Variants in ZMAT4 observed in about 807,000 individuals in gnomAD.
ZMAT4 encodes zinc finger matrin-type protein 4.
A neutral mutation model predicts 28.7 loss-of-function variants in ZMAT4; 17 were observed. The observed-to-expected ratio is 0.59, with a 90% CI of 0.41 to 0.89. The LOEUF (loss-of-function observed/expected upper bound fraction) is 0.89, where lower values mean the gene tolerates loss of function less well. Ranked by LOEUF, ZMAT4 falls within the 40% of genes least tolerant of loss-of-function variation. ZMAT4 has a pLI of 0.00. For missense variants in ZMAT4, 240 were observed against 283.8 expected (o/e 0.85, Z 1.11); for synonymous variants, 117 against 109.2 (o/e 1.07, Z -0.44).
intron 2 of ZMAT4, among the ~76,000 whole-genome samples, chr8:40,768,650 C>T (rs1174955477): frequency 6.6e-6 from 1 of 152,166 alleles, no homozygotes; most frequent in African/African-American, 2.4e-5. Flanking sequence ...CAGAATGAGT[C>T]ACATTTTCTC....
chr8:40,675,027 T>C, intron 4 of ZMAT4, 96 bp from the exon 5 acceptor site: 1 of 909,558 alleles, frequency 1.1e-6, no homozygotes, highest in Non-Finnish European at 1.7e-6. Flanking sequence ...TCCTGTTCAC[T>C]CTAGAGCTTA....
intron 1 of ZMAT4, among the ~76,000 whole-genome samples, chr8:40,856,898 A>T (rs921749766): frequency 1.3e-5 from 2 of 152,130 alleles, no homozygotes; most frequent in African/African-American, 4.8e-5. Context: ...CTGGAAAGGG[A>T]TTGCAAATGG....
chr8:40,615,492 G>T (rs1174280462), intron 5 of ZMAT4, among the ~76,000 whole-genome samples: 2 of 152,178 alleles, frequency 1.3e-5, no homozygotes, highest in African/African-American at 4.8e-5. Context: ...TGTTAGGGAA[G>T]TTCTCCTGGA....
At chr8:40,664,483 C>T (rs1213705969) in intron 5 of ZMAT4, among the ~76,000 whole-genome samples, 3 of 152,156 alleles carry the variant, frequency 2.0e-5, no homozygotes, top group Admixed American at 6.5e-5. Flanking sequence ...CTTCCAATAC[C>T]CCATTATCAT....
intron 3 of ZMAT4, among the ~76,000 whole-genome samples, chr8:40,762,788 G>C (rs1345934759): frequency 6.6e-6 from 1 of 152,188 alleles, no homozygotes; most frequent in Non-Finnish European, 1.5e-5. Flanking sequence ...CCAGAGGAAG[G>C]CCCTGCCCAT....
chr8:40,818,425 A>G (rs780389863), intron 2 of ZMAT4, among the ~76,000 whole-genome samples: 1 of 152,242 alleles, frequency 6.6e-6, no homozygotes, highest in Non-Finnish European at 1.5e-5. Context: ...TGTATTTATC[A>G]TATCAGAAGT....
At chr8:40,768,961 A>G (rs1435382076) in intron 2 of ZMAT4, among the ~76,000 whole-genome samples, 1 of 152,192 alleles carries the variant, frequency 6.6e-6, no homozygotes, top group African/African-American at 2.4e-5. Flanking sequence ...TTTTCAGAGA[A>G]CACATAGAAA....
At chr8:40,708,687 C>A (rs1393958459) in intron 3 of ZMAT4, among the ~76,000 whole-genome samples, 1 of 147,186 alleles carries the variant, frequency 6.8e-6, no homozygotes, top group African/African-American at 2.5e-5. Flanking sequence ...GCTCTGTCAC[C>A]CATGCTGCAG....
chr8:40,601,468 G>GAAAAA (rs1563359930), intron 5 of ZMAT4, among the ~76,000 whole-genome samples: 1 of 19,974 alleles, frequency 5.0e-5, no homozygotes, highest in Non-Finnish European at 9.7e-5. Context: ...GAGGAAGAAA[G>GAAAAA]GAAAGAAAGA....
intron 1 of ZMAT4, among the ~76,000 whole-genome samples, chr8:40,880,793 T>C (rs1157313423): frequency 6.6e-6 from 1 of 152,214 alleles, no homozygotes; most frequent in Non-Finnish European, 1.5e-5. Context: ...CATGTATTTT[T>C]AGCTGTTATA....
intron 6 of ZMAT4, among the ~76,000 whole-genome samples, chr8:40,538,548 T>C (rs941197465): frequency 6.6e-6 from 1 of 152,170 alleles, no homozygotes; most frequent in Non-Finnish European, 1.5e-5. Flanking sequence ...TTAAATATTT[T>C]ACAGAGTTTA....
intron 5 of ZMAT4, among the ~76,000 whole-genome samples, chr8:40,612,004 G>C (rs1805815086): frequency 6.6e-6 from 1 of 152,170 alleles, no homozygotes; most frequent in African/African-American, 2.4e-5. Context: ...CAGCACATGG[G>C]AGGAGCATGG....
At chr8:40,736,641 G>A (rs576751153) in intron 3 of ZMAT4, among the ~76,000 whole-genome samples, 1 of 152,212 alleles carries the variant, frequency 6.6e-6, no homozygotes, top group African/African-American at 2.4e-5. Flanking sequence ...CATAACAAAA[G>A]GAGTTAAGGG....
At chr8:40,623,923 G>A (rs545124770) in intron 5 of ZMAT4, among the ~76,000 whole-genome samples, 1 of 152,288 alleles carries the variant, frequency 6.6e-6, no homozygotes, top group East Asian at 1.9e-4. Context: ...ACAGGCATTT[G>A]AAGCTTATGA....
chr8:40,551,275 TAGA>T (rs1373557765), intron 6 of ZMAT4, among the ~76,000 whole-genome samples: 1 of 152,058 alleles, frequency 6.6e-6, no homozygotes, highest in Non-Finnish European at 1.5e-5. Context: ...GGGACAGGGG[TAGA>T]AATCAAAGAA....
chr8:40,753,662 G>GA (rs905450938), intron 3 of ZMAT4, among the ~76,000 whole-genome samples: 1 of 152,138 alleles, frequency 6.6e-6, no homozygotes, highest in African/African-American at 2.4e-5. Context: ...TTTTCTGAAT[G>GA]AAAAAATAAA....
chr8:40,588,813 G>T, intron 5 of ZMAT4, among the ~76,000 whole-genome samples: 1 of 152,064 alleles, frequency 6.6e-6, no homozygotes, highest in East Asian at 1.9e-4. Context: ...CAAATACTTA[G>T]TGTTAAAAAA....
At chr8:40,554,405 CTTAA>C (rs1161317915) in intron 6 of ZMAT4, among the ~76,000 whole-genome samples, 1 of 151,902 alleles carries the variant, frequency 6.6e-6, no homozygotes, top group African/African-American at 2.4e-5. Context: ...TAACTAAGTA[CTTAA>C]TTAACTAAGT....
rs575206596 is a variant in ZMAT4 at position 40,772,969 on chromosome 8, G to A, written c.103-5239C>T. Reference sequence around the variant, plus strand: ...CCATCACACAGGATGAAATGAAAGGGCATCCTGGCAAAACCCCAGGAAGCA... The same window carrying A: ...CCATCACACAGGATGAAATGAAAGGACATCCTGGCAAAACCCCAGGAAGCA... On this transcript the variant is annotated intron_variant, in intron 2 of 6. Coordinates refer to ENST00000297737, the MANE Select transcript of ZMAT4 (RefSeq NM_024645.3). Among the ~76,000 whole-genome samples the A allele has an allele frequency of 2.6e-5, 4 of 152,276 alleles. No homozygotes were observed. In the East Asian group the frequency reaches 5.8e-4, roughly 22 times the overall value.
Sources: gnomAD v4.1 joint callset for allele counts (sites outside exome capture counted in the v4.1 genomes callset) on GRCh38, gnomAD v4.1.1 for gene constraint, MANE v1.5 for transcripts, NCBI Gene and HGNC (gene_info 2026-07-23, HGNC 2026-07-21) for gene names.